KCNIP4: variants seen among roughly 807,000 people sequenced by gnomAD.
KCNIP4 encodes Kv channel-interacting protein 4.
A neutral mutation model predicts 34.0 loss-of-function variants in KCNIP4; 12 were observed. The observed-to-expected ratio is 0.35, with a 90% confidence interval of 0.23 to 0.57. The LOEUF (loss-of-function observed/expected upper bound fraction) is 0.57. Among genes scored for constraint, KCNIP4 ranks in the 20% least tolerant of loss-of-function variants. The pLI is 0.83. For synonymous variants in KCNIP4, 124 were observed against 102.2 expected, an observed-to-expected ratio of 1.21 and a Z score of -1.29; for missense variants, 238 against 311.7, an observed-to-expected ratio of 0.76 and a Z score of 1.78.
intron 1 of KCNIP4, among the ~76,000 whole-genome samples, chr4:21,081,754 G>A (rs1746023174): frequency 6.6e-6 from 1 of 151,700 alleles, no homozygotes; most frequent in Non-Finnish European, 1.5e-5. Flanking sequence ...CTTTGAAAAG[G>A]CCAATTGCTG....
At chr4:21,627,279 T>C (rs1313250979) in intron 1 of KCNIP4, among the ~76,000 whole-genome samples, 6 of 152,200 alleles carry the variant, frequency 3.9e-5, no homozygotes, top group Non-Finnish European at 7.3e-5. Flanking sequence ...AACCATGGTT[T>C]AGTTTCATTA....
intron 1 of KCNIP4, among the ~76,000 whole-genome samples, chr4:21,202,562 T>G (rs912036599): frequency 6.6e-6 from 1 of 152,110 alleles, no homozygotes; most frequent in Non-Finnish European, 1.5e-5. Flanking sequence ...AACTTGCACA[T>G]CTACCCCCAG....
chr4:20,756,000 G>T (rs1266063069), intron 4 of KCNIP4, among the ~76,000 whole-genome samples: 11 of 152,108 alleles, frequency 7.2e-5, no homozygotes, highest in Non-Finnish European at 1.5e-4. Flanking sequence ...GAATGGTATG[G>T]TTTCGAACAG....
At chr4:21,180,005 G>C (rs1231874394) in intron 1 of KCNIP4, among the ~76,000 whole-genome samples, 2 of 152,168 alleles carry the variant, frequency 1.3e-5, no homozygotes, top group East Asian at 3.9e-4. Flanking sequence ...AGGATACAAG[G>C]ATGGTGGTGG....
chr4:20,733,041 A>T (rs990989424), intron 6 of KCNIP4, among the ~76,000 whole-genome samples: 2 of 152,232 alleles, frequency 1.3e-5, no homozygotes, highest in African/African-American at 2.4e-5. Flanking sequence ...TGTATCTACC[A>T]TAGTCAGGAA....
chr4:20,835,211 C>T (rs1328480849), intron 3 of KCNIP4, among the ~76,000 whole-genome samples: 1 of 152,118 alleles, frequency 6.6e-6, no homozygotes, highest in East Asian at 1.9e-4. Context: ...TTCTTTCCAT[C>T]TCTCTGGTTG....
intron 1 of KCNIP4, among the ~76,000 whole-genome samples, chr4:21,064,332 C>A (rs963911345): frequency 3.3e-5 from 5 of 150,420 alleles, no homozygotes; most frequent in Admixed American, 2.7e-4. Context: ...TTGAAGTGTT[C>A]AAAGGGAATG....
intron 1 of KCNIP4, among the ~76,000 whole-genome samples, chr4:21,054,791 T>A (rs1285358001): frequency 6.7e-6 from 1 of 148,454 alleles, no homozygotes; most frequent in African/African-American, 2.5e-5. Flanking sequence ...TATCTAAATA[T>A]AAAATTCAAA....
chr4:21,528,808 G>A lies in KCNIP4; in HGVS notation c.61+419763C>T, dbSNP rs368034389. Among the ~76,000 whole-genome samples, 12 of 28,524 alleles carry A rather than the reference G, an allele frequency of 4.2e-4. 1 individual carries two copies. Among genetic ancestry groups the A allele is most frequent in the South Asian group, 1.4e-3 (1 of 732 alleles). 18.7% of individuals were successfully genotyped at this position (28,524 alleles called of 152,430 possible). A position where few individuals can be genotyped will look rare whatever the true frequency, so the allele number is the denominator to read the frequency against. ...GAAAGGAAGAAAGGAAGAAAGGAAG[G>A]AAGGAAGGAAGGAAGGAAGGAAGGA... On this transcript the variant is annotated intron_variant, in intron 1 of 8. Coordinates refer to ENST00000382152, the MANE Select transcript of KCNIP4 (RefSeq NM_025221.6).
chr4:21,135,673 G>A (rs1446493379), intron 1 of KCNIP4, among the ~76,000 whole-genome samples: 2 of 152,144 alleles, frequency 1.3e-5, no homozygotes, highest in African/African-American at 4.8e-5. Context: ...GAGTGTATGG[G>A]TAGTAGTTTT....
intron 1 of KCNIP4, among the ~76,000 whole-genome samples, chr4:21,374,997 G>T (rs1207832926): frequency 2.0e-5 from 3 of 147,426 alleles, no homozygotes; most frequent in Non-Finnish European, 4.4e-5. Flanking sequence ...TAAACATCAG[G>T]AACACAAAAG....
At chr4:20,876,712 C>G (rs987841838) in intron 2 of KCNIP4, among the ~76,000 whole-genome samples, 1 of 152,052 alleles carries the variant, frequency 6.6e-6, no homozygotes, top group Admixed American at 6.6e-5. Flanking sequence ...GTAGCTGGGA[C>G]TACAGACGTG....
At chr4:21,566,471 C>A (rs975752270) in intron 1 of KCNIP4, among the ~76,000 whole-genome samples, 2 of 152,078 alleles carry the variant, frequency 1.3e-5, no homozygotes, top group Non-Finnish European at 2.9e-5. Context: ...AGCACCTCCC[C>A]CTTCGCTCTC....
chr4:21,723,002 C>T (rs1714930271), intron 1 of KCNIP4, among the ~76,000 whole-genome samples: 1 of 152,040 alleles, frequency 6.6e-6, no homozygotes, highest in African/African-American at 2.4e-5. Flanking sequence ...ACAGAAGTTC[C>T]ATAAGGATTC....
chr4:21,657,615 A>G (rs1748070843), intron 1 of KCNIP4, among the ~76,000 whole-genome samples: 2 of 152,184 alleles, frequency 1.3e-5, no homozygotes, highest in Admixed American at 1.3e-4. Context: ...TCCACAATGT[A>G]TCAAAGTAGA....
intron 1 of KCNIP4, among the ~76,000 whole-genome samples, chr4:21,312,746 G>A (rs1459150808): frequency 6.6e-6 from 1 of 152,094 alleles, no homozygotes; most frequent in Non-Finnish European, 1.5e-5. Context: ...TCTCATCAAT[G>A]AGCTTTAGAT....
At chr4:21,742,775 A>G (rs1050088575) in intron 1 of KCNIP4, among the ~76,000 whole-genome samples, 6 of 152,160 alleles carry the variant, frequency 3.9e-5, no homozygotes, top group Non-Finnish European at 7.3e-5. Flanking sequence ...GAAAATAGAA[A>G]AAGACATGAA....
chr4:21,926,106 T>G (rs1372791970), intron 1 of KCNIP4, among the ~76,000 whole-genome samples: 1 of 152,240 alleles, frequency 6.6e-6, no homozygotes, highest in Non-Finnish European at 1.5e-5. Context: ...TGACTAAAGA[T>G]AGCCATAAGA....
At chr4:21,023,973 G>T (rs1479294359) in intron 1 of KCNIP4, among the ~76,000 whole-genome samples, 1 of 152,188 alleles carries the variant, frequency 6.6e-6, no homozygotes, top group African/African-American at 2.4e-5. Context: ...CAAGTACTGG[G>T]AAGCATGCAA....
Sources: allele counts gnomAD v4.1 joint callset (sites outside exome capture counted in the v4.1 genomes callset), GRCh38; gene constraint gnomAD v4.1.1; transcripts MANE v1.5; gene names NCBI Gene and HGNC (gene_info 2026-07-23, HGNC 2026-07-21).